Variants in STARD3 observed in about 807,000 individuals in gnomAD.
STARD3 encodes stAR-related lipid transfer protein 3.
In STARD3, 39 loss-of-function variants were observed where a neutral mutation model predicts 62.0. The ratio of observed to expected loss-of-function variants is 0.63; its 90% CI spans 0.49 to 0.82. STARD3 has a LOEUF of 0.82. Among genes scored for constraint, STARD3 ranks in the 40% least tolerant of loss-of-function variants. The pLI is 0.00. For synonymous variants in STARD3, 229 were observed against 242.4 expected, an observed-to-expected ratio of 0.94 and a Z score of 0.51; for missense variants, 543 against 584.5, an observed-to-expected ratio of 0.93 and a Z score of 0.73.
In STARD3 at chr17:39,662,957, C is replaced by A; in HGVS notation, c.*49C>A. 1 of 1,556,242 alleles carries A rather than the reference C, an allele frequency of 6.4e-7. No individual in the cohort carries two copies. Among genetic ancestry groups the A allele is most frequent in the South Asian group, 1.2e-5 (1 of 85,856 alleles). ...GCCAGGGTCCTGTCGCCACCACTTC[C>A]AGAGCCAGAAAGGGTGCCAGTTGGG... On this transcript the variant is annotated 3_prime_UTR_variant, in exon 15 of 15. Coordinates refer to ENST00000336308, the MANE Select transcript of STARD3 (RefSeq NM_006804.4).
chr17:39,658,138 G>T (rs1000112577), intron 5 of STARD3, 112 bp downstream of exon 5: 7 of 1,225,812 alleles, frequency 5.7e-6, no homozygotes, highest in Non-Finnish European at 8.2e-6. Flanking sequence ...CCGGGTTAGG[G>T]GGAGAGGGAA....
rs995141873 is a variant in STARD3, at chr17:39,660,206, C to T, written c.796-5C>T. The T allele has an allele frequency of 3.7e-6, 6 of 1,613,982 alleles. No individual in the cohort carries two copies. Among genetic ancestry groups the T allele is most frequent in the Middle Eastern group, 1.6e-4 (1 of 6,062 alleles). On this transcript the variant is annotated splice_region_variant and splice_polypyrimidine_tract_variant and intron_variant, in intron 9 of 14. Coordinates refer to ENST00000336308, the MANE Select transcript of STARD3 (RefSeq NM_006804.4). This position sits in a 1 kb window ranked among gnomAD's most constrained non-coding sequence, Gnocchi z 4.8. Reference sequence around the variant, plus strand: ...CCTCCCTGCCACCTTCTGTCCCTGCCATAGGAATATGGGGACACCGTGTAC... The same window carrying T: ...CCTCCCTGCCACCTTCTGTCCCTGCTATAGGAATATGGGGACACCGTGTAC...
At chr17:39,661,188 G>A (rs2145045499) in intron 13 of STARD3, 103 bp downstream of exon 13, 2 of 1,022,536 alleles carry the variant, frequency 2.0e-6, no homozygotes, top group Non-Finnish European at 2.9e-6. Context: ...CCCTGCTGAG[G>A]CTGCGTTCCT....
rs757118619 is a variant in STARD3, at chr17:39,660,278, G to C, written c.858+5G>C. 6.2e-7 allele frequency: 1 copy of C among 1,614,076 alleles called. No individual in the cohort carries two copies. Among genetic ancestry groups the C allele is most frequent in the African/African-American group, 1.3e-5 (1 of 75,052 alleles). ...GGCAAGACGTTTATCCTGAAGGTGA[G>C]TGAGGGGAGCGGGTGTCCTGGAGCC... On this transcript the variant is annotated splice_donor_5th_base_variant and intron_variant, in intron 10 of 14. Transcript: ENST00000336308. The surrounding 1 kb of genome is among the most constrained non-coding windows in gnomAD (Gnocchi z 4.8).
chr17:39,661,211 G>T (rs1027936459), intron 13 of STARD3, 126 bp downstream of exon 13: 7 of 772,692 alleles, frequency 9.1e-6, no homozygotes, highest in East Asian at 2.7e-5. Context: ...TCCCTGTCCC[G>T]CTGGGCTCTG....
intron 1 of STARD3, among the ~76,000 whole-genome samples, chr17:39,650,091 C>T (rs1002176903): frequency 2.0e-5 from 3 of 152,002 alleles, no homozygotes; most frequent in Admixed American, 6.6e-5. Flanking sequence ...TCGTGTCCCC[C>T]GCAAAAAGGA....
At position 39,660,159 on chromosome 17, in the gene STARD3, G is replaced by C. The variant is rs2057179049; in HGVS notation, c.796-52G>C. The C allele has an allele frequency of 2.5e-6, 4 of 1,600,116 alleles. No homozygotes were observed. In the East Asian group the frequency reaches 8.9e-5, roughly 36 times the overall value. Reference sequence around the variant, plus strand: ...CCTGTCACCCATTTCTGTGCCACCAGCCCACCCCCTGCCTCCACTCTCCTC... The same window carrying C: ...CCTGTCACCCATTTCTGTGCCACCACCCCACCCCCTGCCTCCACTCTCCTC... On this transcript the variant is annotated intron_variant, in intron 9 of 14. Transcript: ENST00000336308. The surrounding 1 kb of genome is among the most constrained non-coding windows in gnomAD (Gnocchi z 4.8).
chr17:39,659,622 G>A (rs1011813510), intron 9 of STARD3, 69 bp downstream of exon 9: 3 of 1,534,930 alleles, frequency 2.0e-6, no homozygotes, highest in African/African-American at 2.7e-5. Flanking sequence ...TCTGAGGCCT[G>A]AGGAAGAAAC....
At chr17:39,640,030 A>G (rs775722515) in intron 1 of STARD3, among the ~76,000 whole-genome samples, 5 of 152,132 alleles carry the variant, frequency 3.3e-5, no homozygotes, top group Admixed American at 6.5e-5. Flanking sequence ...TCCTCACCAG[A>G]CCCAGAGTCC....
rs2057227538 is a variant in STARD3, at chr17:39,663,649, C to T, written c.*741C>T. 6.7e-6 allele frequency among the ~76,000 whole-genome samples: 1 copy of T among 149,552 alleles called. No homozygotes were observed. Among genetic ancestry groups the T allele is most frequent in the African/African-American group, 2.5e-5 (1 of 40,602 alleles). Reference sequence around the variant, plus strand: ...CCCCCCATTCCCCCCCCGCCCACCCCCCACTCCCCGCTTTCCTGACCAGTT... The same window carrying T: ...CCCCCCATTCCCCCCCCGCCCACCCTCCACTCCCCGCTTTCCTGACCAGTT... On this transcript the variant is annotated 3_prime_UTR_variant, in exon 15 of 15. Coordinates refer to ENST00000336308, the MANE Select transcript of STARD3 (RefSeq NM_006804.4).
intron 1 of STARD3, among the ~76,000 whole-genome samples, chr17:39,646,717 A>G (rs1245268535): frequency 1.3e-5 from 2 of 152,188 alleles, no homozygotes; most frequent in Non-Finnish European, 2.9e-5. Flanking sequence ...TCCTGAGTCC[A>G]GGACACCACC....
In STARD3 at chr17:39,663,306, C is replaced by G; in HGVS notation, c.*398C>G. The G allele has an allele frequency of 2.6e-6, 1 of 382,228 alleles. No homozygotes were observed. The highest frequency in any genetic ancestry group is 4.6e-6 in the Non-Finnish European group (1 of 216,100). The allele number at this position is 382,228 out of a possible 1,614,324, so 23.7% of individuals were successfully genotyped here. A position where few individuals can be genotyped will look rare whatever the true frequency, so the allele number is the denominator to read the frequency against. Reference sequence around the variant, plus strand: ...GCTCTTCATCTGCCTGCGCTCTCGTCGGTTTTTTTAGGATTATTGAAAGAG... The same window carrying G: ...GCTCTTCATCTGCCTGCGCTCTCGTGGGTTTTTTTAGGATTATTGAAAGAG... On this transcript the variant is annotated 3_prime_UTR_variant, in exon 15 of 15. Transcript: ENST00000336308.
At chr17:39,658,701 G>A (rs1371735437) in intron 6 of STARD3, 21 bp from the exon 7 acceptor site, 1 of 1,613,834 alleles carries the variant, frequency 6.2e-7, no homozygotes, top group South Asian at 1.1e-5. Flanking sequence ...CCTCGGTCCG[G>A]GACCGAGTCT....
intron 2 of STARD3, among the ~76,000 whole-genome samples, chr17:39,656,274 C>G (rs1377220464): frequency 6.6e-6 from 1 of 152,170 alleles, no homozygotes; most frequent in Non-Finnish European, 1.5e-5. Flanking sequence ...TGTGTCCTCC[C>G]TTCTCCAGGG....
chr17:39,645,815 A>G (rs771898408), intron 1 of STARD3, among the ~76,000 whole-genome samples: 6 of 148,710 alleles, frequency 4.0e-5, no homozygotes, highest in Non-Finnish European at 8.9e-5. Flanking sequence ...CCACTGACCA[A>G]GCGGTTACCA....
chr17:39,647,189 C>A (rs1005532245), intron 1 of STARD3, among the ~76,000 whole-genome samples: 32 of 150,464 alleles, frequency 2.1e-4, no homozygotes, highest in Non-Finnish European at 5.9e-5. Context: ...CAGAGCGAGA[C>A]TCTGTCTCAA....
intron 1 of STARD3, among the ~76,000 whole-genome samples, chr17:39,639,699 T>A (rs185498584): frequency 6.6e-6 from 1 of 152,350 alleles, no homozygotes; most frequent in East Asian, 1.9e-4. Context: ...GCAGGGACCA[T>A]GCCTGGGGGC....
chr17:39,658,203 C>A (rs1279258233), intron 5 of STARD3, 177 bp downstream of exon 5: 2 of 855,408 alleles, frequency 2.3e-6, no homozygotes, highest in Non-Finnish European at 3.7e-6. Flanking sequence ...CCTGACTTAG[C>A]CCCTTGCAGC....
intron 2 of STARD3, among the ~76,000 whole-genome samples, chr17:39,655,027 C>G (rs1001158945): frequency 6.6e-6 from 1 of 152,228 alleles, no homozygotes; most frequent in Admixed American, 6.5e-5. Context: ...TGTGGCCCAG[C>G]AGGCTCAGGA....
Sources: gnomAD v4.1 joint callset for allele counts (sites outside exome capture counted in the v4.1 genomes callset) on GRCh38, gnomAD v4.1.1 for gene constraint, Gnocchi (gnomAD v3.1) non-coding constraint, MANE v1.5 for transcripts, NCBI Gene and HGNC (gene_info 2026-07-23, HGNC 2026-07-21) for gene names.